SPATA17: variants seen among roughly 807,000 people sequenced by gnomAD.
SPATA17 encodes spermatogenesis associated 17.
In SPATA17, 53 loss-of-function variants were observed where a neutral mutation model predicts 62.2. The observed-to-expected ratio is 0.85, with a 90% CI of 0.68 to 1.07. The LOEUF (loss-of-function observed/expected upper bound fraction) is 1.07. Ranked by LOEUF, SPATA17 falls within the 50% of genes least tolerant of loss-of-function variation. SPATA17 has a pLI of 0.00. For missense variants in SPATA17, 466 were observed against 425.5 expected (o/e 1.10, Z -0.84); for synonymous variants, 146 against 146.8 (o/e 0.99, Z 0.04).
intron 9 of SPATA17, among the ~76,000 whole-genome samples, chr1:217,812,333 G>T (rs1674609790): frequency 6.6e-6 from 1 of 151,912 alleles, no homozygotes; most frequent in Admixed American, 6.6e-5. Context: ...TATTTTTAAT[G>T]CTATTGAACT....
At chr1:217,734,411 C>T (rs746336579) in intron 5 of SPATA17, among the ~76,000 whole-genome samples, 1 of 152,110 alleles carries the variant, frequency 6.6e-6, no homozygotes, top group Non-Finnish European at 1.5e-5. Context: ...CTATGTTGCT[C>T]AGGCTTGTCT....
chr1:217,794,728 T>C (rs1674091998), intron 8 of SPATA17, among the ~76,000 whole-genome samples: 1 of 152,224 alleles, frequency 6.6e-6, no homozygotes, highest in Non-Finnish European at 1.5e-5. Context: ...CTCGTTTATG[T>C]TACCTGCCTG....
At chr1:217,680,634 G>A (rs1055044450) in intron 4 of SPATA17, among the ~76,000 whole-genome samples, 1 of 152,008 alleles carries the variant, frequency 6.6e-6, no homozygotes, top group Admixed American at 6.6e-5. Context: ...ACTTTCTAAA[G>A]TTATTGTTGG....
chr1:217,681,643 C>T (rs767610543), intron 4 of SPATA17, among the ~76,000 whole-genome samples: 34 of 152,148 alleles, frequency 2.2e-4, no homozygotes, highest in African/African-American at 8.0e-4. Flanking sequence ...GTGATCTTCC[C>T]GCCTTGGCCT....
intron 9 of SPATA17, among the ~76,000 whole-genome samples, chr1:217,852,676 TC>T (rs970179658): frequency 6.6e-6 from 1 of 151,988 alleles, no homozygotes; most frequent in Non-Finnish European, 1.5e-5. Flanking sequence ...TGGAAAACTT[TC>T]CCCCCCAAAA....
intron 4 of SPATA17, among the ~76,000 whole-genome samples, chr1:217,677,372 C>A (rs1670970113): frequency 6.6e-6 from 1 of 151,638 alleles, no homozygotes; most frequent in South Asian, 2.1e-4. Flanking sequence ...TCGTCTCAAT[C>A]CCTTAAAGTA....
At chr1:217,859,954 T>C (rs1177411812) in intron 9 of SPATA17, among the ~76,000 whole-genome samples, 1 of 152,098 alleles carries the variant, frequency 6.6e-6, no homozygotes, top group Non-Finnish European at 1.5e-5. Flanking sequence ...TGTAATTAAT[T>C]TGCTCTTTTT....
Position 217,821,623 on chromosome 1 carries a change from T to C in SPATA17, c.1005+19773T>C, listed in dbSNP as rs113301104. ...GTGTAGATAAAAATTCGAATAAGTTTGGCTGTGAGTGGGAGAAGAGAGAGG... is the reference window on the plus strand; with the variant it reads ...GTGTAGATAAAAATTCGAATAAGTTCGGCTGTGAGTGGGAGAAGAGAGAGG... On this transcript the variant is annotated intron_variant, in intron 9 of 10. Coordinates refer to ENST00000366933, the MANE Select transcript of SPATA17 (RefSeq NM_138796.4). Among the ~76,000 whole-genome samples, 958 of 151,800 alleles carry C rather than the reference T, an allele frequency of 6.3e-3. 4 individuals are homozygous for C. The highest frequency in any genetic ancestry group is 0.022 in the African/African-American group (891 of 41,386).
intron 9 of SPATA17, among the ~76,000 whole-genome samples, chr1:217,807,303 A>G (rs891800788): frequency 1.3e-5 from 2 of 152,100 alleles, no homozygotes; most frequent in African/African-American, 4.8e-5. Context: ...AAAACTACCT[A>G]TTGAATGCTA....
At chr1:217,637,777 C>T (rs892838645) in intron 1 of SPATA17, among the ~76,000 whole-genome samples, 8 of 152,106 alleles carry the variant, frequency 5.3e-5, no homozygotes, top group African/African-American at 1.4e-4. Context: ...TACAGGTGTA[C>T]TCAATTCTGA....
intron 9 of SPATA17, among the ~76,000 whole-genome samples, chr1:217,830,897 A>G (rs1675125856): frequency 6.6e-6 from 1 of 152,176 alleles, no homozygotes; most frequent in African/African-American, 2.4e-5. Flanking sequence ...TGATAATTTG[A>G]TAGCTTGGGC....
intron 5 of SPATA17, among the ~76,000 whole-genome samples, chr1:217,740,964 GTATTAGTGGCCTT>G (rs1338784852): frequency 6.6e-6 from 1 of 152,142 alleles, no homozygotes; most frequent in Non-Finnish European, 1.5e-5. Context: ...ATGAAGTATT[GTATTAGTGGCCTT>G]TAACAGAAAA....
At chr1:217,772,039 TG>T (rs1673461336) in intron 6 of SPATA17, among the ~76,000 whole-genome samples, 1 of 152,208 alleles carries the variant, frequency 6.6e-6, no homozygotes, top group Non-Finnish European at 1.5e-5. Flanking sequence ...CTGATGAGAA[TG>T]GTATTCTCAT....
intron 9 of SPATA17, among the ~76,000 whole-genome samples, chr1:217,815,588 A>G (rs1312099187): frequency 6.6e-6 from 1 of 152,188 alleles, no homozygotes; most frequent in Non-Finnish European, 1.5e-5. Flanking sequence ...ACCATTATTT[A>G]ATGGAACACT....
At chr1:217,641,626 T>C (rs1670064017) in intron 1 of SPATA17, among the ~76,000 whole-genome samples, 2 of 152,102 alleles carry the variant, frequency 1.3e-5, no homozygotes, top group African/African-American at 2.4e-5. Context: ...TGCATACACA[T>C]ACACATATAT....
intron 3 of SPATA17, among the ~76,000 whole-genome samples, chr1:217,661,540 A>C (rs1670569811): frequency 6.6e-6 from 1 of 152,138 alleles, no homozygotes; most frequent in Non-Finnish European, 1.5e-5. Context: ...TAATAGAGCT[A>C]TTCCAGTCTT....
chr1:217,704,230 C>CTTTTTTTTTTTTTTTTT (rs560591615), intron 5 of SPATA17, among the ~76,000 whole-genome samples: 3 of 41,692 alleles, frequency 7.2e-5, no homozygotes, highest in Non-Finnish European at 1.4e-4. Flanking sequence ...TTCCCTCTAC[C>CTTTTTTTTTTTTTTTTT]TTTTTTTTTT....
intron 9 of SPATA17, among the ~76,000 whole-genome samples, chr1:217,832,164 A>C (rs1558069096): frequency 6.6e-6 from 1 of 152,126 alleles, no homozygotes; most frequent in Non-Finnish European, 1.5e-5. Context: ...AAAAATCCTT[A>C]TCTACTTTCC....
intron 9 of SPATA17, among the ~76,000 whole-genome samples, chr1:217,847,014 G>A (rs1675545201): frequency 6.6e-6 from 1 of 151,872 alleles, no homozygotes; most frequent in Non-Finnish European, 1.5e-5. Flanking sequence ...AGTAGTGTAA[G>A]TCAAAACAAT....
Sources: allele counts gnomAD v4.1 joint callset (sites outside exome capture counted in the v4.1 genomes callset), GRCh38; gene constraint gnomAD v4.1.1; transcripts MANE v1.5; gene names NCBI Gene and HGNC (gene_info 2026-07-23, HGNC 2026-07-21).